Variants in ZBTB7C observed in about 807,000 individuals in gnomAD.
The protein encoded by ZBTB7C is zinc finger and BTB domain containing 7C, also known as zinc finger and BTB domain-containing protein 7C.
Under a neutral mutation model 25.7 loss-of-function variants are expected in ZBTB7C, and 8 were observed. The observed-to-expected ratio is 0.31, with a 90% CI of 0.18 to 0.56. The LOEUF (loss-of-function observed/expected upper bound fraction) is 0.56. Ranked by LOEUF, ZBTB7C falls within the 20% of genes least tolerant of loss-of-function variation. The pLI, the probability that ZBTB7C is intolerant of heterozygous loss-of-function variation, is 0.91. For synonymous variants in ZBTB7C, 394 were observed against 369.0 expected (o/e 1.07, Z -0.78); for missense variants, 824 against 855.2 (o/e 0.96, Z 0.46).
chr18:48,409,040 G>A (rs1002367221), intron 1 of ZBTB7C, among the ~76,000 whole-genome samples, 186 bp downstream of exon 1: 2 of 150,454 alleles, frequency 1.3e-5, no homozygotes, highest in African/African-American at 2.4e-5. Flanking sequence ...TGCTCCAGCC[G>A]GCGCCCCAAG....
At chr18:48,192,624 G>T (rs1055757033) in intron 2 of ZBTB7C, among the ~76,000 whole-genome samples, 1 of 152,160 alleles carries the variant, frequency 6.6e-6, no homozygotes, top group Admixed American at 6.5e-5. Context: ...ACCACGCCTG[G>T]CTAATTTTTG....
intron 1 of ZBTB7C, among the ~76,000 whole-genome samples, chr18:48,382,593 C>G (rs2047657455): frequency 6.6e-6 from 1 of 152,204 alleles, no homozygotes. Context: ...TTTTACTTTT[C>G]TCAGTCAACT....
intron 2 of ZBTB7C, among the ~76,000 whole-genome samples, chr18:48,241,445 T>C (rs2144358181): frequency 6.6e-6 from 1 of 152,230 alleles, no homozygotes; most frequent in Middle Eastern, 3.4e-3. Context: ...AGACAGACCA[T>C]ATAATAGGCC....
At chr18:48,068,941 A>G (rs2037439283) in intron 3 of ZBTB7C, among the ~76,000 whole-genome samples, 1 of 152,168 alleles carries the variant, frequency 6.6e-6, no homozygotes, top group African/African-American at 2.4e-5. Context: ...AACCAGCAGG[A>G]CCCCATGATG....
chr18:48,072,640 C>A (rs1487397049), intron 3 of ZBTB7C: 1 of 152,242 alleles, frequency 6.6e-6, no homozygotes, highest in Non-Finnish European at 1.5e-5. Flanking sequence ...GTTTCACACT[C>A]TGTGGGAAGT....
chr18:48,216,187 G>A (rs1003652971), intron 2 of ZBTB7C, among the ~76,000 whole-genome samples: 2 of 152,198 alleles, frequency 1.3e-5, no homozygotes, highest in Admixed American at 1.3e-4. Context: ...CAGCCATGGG[G>A]CACTCACTAC....
chr18:48,336,123 T>C (rs930675375), intron 2 of ZBTB7C, among the ~76,000 whole-genome samples: 5 of 152,334 alleles, frequency 3.3e-5, no homozygotes, highest in Middle Eastern at 3.4e-3. Flanking sequence ...GCCTCCAGTC[T>C]TTCTGTGTGC....
rs111944729 is a variant in ZBTB7C at position 48,389,408 on chromosome 18, C to A, written c.-304+19818G>T. On this transcript the variant is annotated intron_variant, in intron 1 of 4. Transcript: ENST00000590800. ...AAAGTGGATTCAATTCCTGACTCTG[C>A]TACTTCCTAATGTGTGACCCAGAGT... is the stretch of plus-strand genomic sequence containing the variant. Among the ~76,000 whole-genome samples, 214 of 145,658 alleles carry A rather than the reference C, an allele frequency of 1.5e-3. 1 individual carries two copies. The highest frequency in any genetic ancestry group is 5.0e-3 in the African/African-American group (199 of 39,876).
intron 3 of ZBTB7C, among the ~76,000 whole-genome samples, chr18:48,177,676 T>TCCAAGTTCTTGGGTCCAAGAACTTGGGG (rs2041730096): frequency 6.6e-6 from 1 of 152,020 alleles, no homozygotes; most frequent in Non-Finnish European, 1.5e-5. Flanking sequence ...AGAACCTGGG[T>TCCAAGTTCTTGGGTCCAAGAACTTGGGG]CCAAGTTCTT....
At chr18:48,163,473 G>C (rs553636658) in intron 3 of ZBTB7C, among the ~76,000 whole-genome samples, 1 of 152,334 alleles carries the variant, frequency 6.6e-6, no homozygotes, top group Admixed American at 6.5e-5. Flanking sequence ...AACTGGCTGG[G>C]AGCCCTCTTG....
chr18:48,027,599 T>C lies in ZBTB7C; in HGVS notation c.*1661A>G, dbSNP rs1033483830. ...TCCGGTGGTGTGAAGAATCAGGGGG[T>C]CTCTTCTGGAGAGTTGTGAGAGGGA... On this transcript the variant is annotated 3_prime_UTR_variant, in exon 5 of 5. Transcript: ENST00000590800. The C allele has an allele frequency of 6.6e-6, 1 of 151,880 alleles. No homozygotes were observed. Among genetic ancestry groups the C allele is most frequent in the Admixed American group, 6.6e-5 (1 of 15,246 alleles). 9.4% of individuals were successfully genotyped at this position (151,880 alleles called of 1,614,324 possible).
chr18:48,334,377 T>C (rs1376813561), intron 2 of ZBTB7C, among the ~76,000 whole-genome samples: 2 of 152,122 alleles, frequency 1.3e-5, no homozygotes, highest in East Asian at 3.9e-4. Flanking sequence ...GAACACCTAG[T>C]TGAGTCCTAT....
chr18:48,412,428 G>A (rs1283694610), upstream of ZBTB7C, among the ~76,000 whole-genome samples: 3 of 152,172 alleles, frequency 2.0e-5, no homozygotes, highest in Non-Finnish European at 4.4e-5. Context: ...CCGTTTTATA[G>A]ATGAAAAATC....
intron 2 of ZBTB7C, among the ~76,000 whole-genome samples, chr18:48,217,953 C>T (rs776896440): frequency 6.6e-6 from 1 of 152,190 alleles, no homozygotes; most frequent in South Asian, 2.1e-4. Context: ...GCTACCAACT[C>T]AGTGTACCAC....
intron 2 of ZBTB7C, among the ~76,000 whole-genome samples, chr18:48,196,333 T>C (rs1244223734): frequency 6.6e-6 from 1 of 152,170 alleles, no homozygotes; most frequent in African/African-American, 2.4e-5. Flanking sequence ...TTCCTCCCAT[T>C]GCAGCTGTCT....
chr18:48,113,991 GC>G (rs2039337347), intron 3 of ZBTB7C, among the ~76,000 whole-genome samples: 1 of 152,160 alleles, frequency 6.6e-6, no homozygotes, highest in South Asian at 2.1e-4. Flanking sequence ...CCCATGAAAG[GC>G]CCTTTCACTT....
chr18:48,199,654 G>T (rs1202096998), intron 2 of ZBTB7C, among the ~76,000 whole-genome samples: 1 of 129,722 alleles, frequency 7.7e-6, no homozygotes, highest in Non-Finnish European at 1.6e-5. Flanking sequence ...TCCCCCTCCC[G>T]CTCCTCCTCA....
At chr18:48,311,425 G>T (rs2045816482) in intron 2 of ZBTB7C, among the ~76,000 whole-genome samples, 1 of 152,182 alleles carries the variant, frequency 6.6e-6, no homozygotes, top group African/African-American at 2.4e-5. Flanking sequence ...TCTCAATTAT[G>T]GGCAATTTGC....
intron 4 of ZBTB7C, among the ~76,000 whole-genome samples, chr18:48,035,235 G>A (rs957824238): frequency 6.6e-6 from 1 of 152,264 alleles, no homozygotes; most frequent in Non-Finnish European, 1.5e-5. Context: ...ACTGGAAAGC[G>A]TGCCTTGTCA....
Sources: allele counts gnomAD v4.1 joint callset (sites outside exome capture counted in the v4.1 genomes callset), GRCh38; gene constraint gnomAD v4.1.1; transcripts MANE v1.5; gene names NCBI Gene and HGNC (gene_info 2026-07-23, HGNC 2026-07-21).